LRRC4C: variants seen among roughly 807,000 people sequenced by gnomAD.
LRRC4C encodes leucine rich repeat containing 4C, also known as leucine-rich repeat-containing protein 4C.
Under a neutral mutation model 33.6 loss-of-function variants are expected in LRRC4C, and 5 were observed. That is an observed-to-expected ratio of 0.15 (90% CI 0.08 to 0.31). The LOEUF (loss-of-function observed/expected upper bound fraction) is 0.31. Among genes scored for constraint, LRRC4C ranks in the 10% least tolerant of loss-of-function variants. The pLI, the probability that LRRC4C is intolerant of heterozygous loss-of-function variation, is 1.00. For missense variants in LRRC4C, 560 were observed against 796.7 expected (o/e 0.70, Z 3.58); for synonymous variants, 329 against 302.0 (o/e 1.09, Z -0.93).
intron 2 of LRRC4C, among the ~76,000 whole-genome samples, chr11:40,878,301 A>T (rs1339862758): frequency 1.3e-5 from 2 of 152,074 alleles, no homozygotes; most frequent in Non-Finnish European, 2.9e-5. Context: ...ACCACTTGCC[A>T]CTCACTGATA....
At chr11:41,432,246 T>G (rs925326379) in intron 1 of LRRC4C, among the ~76,000 whole-genome samples, 1 of 152,184 alleles carries the variant, frequency 6.6e-6, no homozygotes, top group Non-Finnish European at 1.5e-5. Flanking sequence ...ATTTATCATA[T>G]TTGAAATGCC....
At chr11:41,345,729 T>C (rs1951782081) in intron 1 of LRRC4C, among the ~76,000 whole-genome samples, 1 of 152,084 alleles carries the variant, frequency 6.6e-6, no homozygotes, top group Admixed American at 6.5e-5. Context: ...CCCCTACAGA[T>C]TTCTCTCACC....
chr11:41,047,618 G>C (rs1249928699), intron 1 of LRRC4C, among the ~76,000 whole-genome samples: 1 of 152,118 alleles, frequency 6.6e-6, no homozygotes, highest in Non-Finnish European at 1.5e-5. Flanking sequence ...TACCTTAACT[G>C]TTTCAAGCAG....
At chr11:41,397,381 T>C (rs577657515) in intron 1 of LRRC4C, among the ~76,000 whole-genome samples, 2 of 152,124 alleles carry the variant, frequency 1.3e-5, no homozygotes, top group African/African-American at 4.8e-5. Context: ...AACACCTTTA[T>C]GATGATCCAC....
At chr11:40,147,953 T>C (rs1355109561) in intron 5 of LRRC4C, among the ~76,000 whole-genome samples, 31 of 152,126 alleles carry the variant, frequency 2.0e-4, no homozygotes, top group Admixed American at 2.0e-3. Flanking sequence ...GTCCATGTGT[T>C]CTCATCATTT....
intron 2 of LRRC4C, among the ~76,000 whole-genome samples, chr11:40,884,254 T>C (rs2136048893): frequency 6.6e-6 from 1 of 152,270 alleles, no homozygotes; most frequent in Non-Finnish European, 1.5e-5. Context: ...CATCCTTTTT[T>C]ATGGACGCAT....
intron 3 of LRRC4C, among the ~76,000 whole-genome samples, chr11:40,338,707 G>A (rs1400332679): frequency 6.6e-6 from 1 of 152,054 alleles, no homozygotes; most frequent in Non-Finnish European, 1.5e-5. Context: ...AATGACAGCA[G>A]GGAATTTGTT....
chr11:40,135,423 C>T (rs1236687439), intron 6 of LRRC4C, among the ~76,000 whole-genome samples: 1 of 152,124 alleles, frequency 6.6e-6, no homozygotes, highest in African/African-American at 2.4e-5. Context: ...CTTCAGTTAA[C>T]ACAGTCCCAT....
intron 2 of LRRC4C, among the ~76,000 whole-genome samples, chr11:40,769,493 T>C (rs1949648871): frequency 6.6e-6 from 1 of 152,072 alleles, no homozygotes; most frequent in Non-Finnish European, 1.5e-5. Context: ...TAAATGTATA[T>C]GGACCCACAA....
chr11:41,090,343 T>C (rs945646647), intron 1 of LRRC4C, among the ~76,000 whole-genome samples: 4 of 152,114 alleles, frequency 2.6e-5, no homozygotes, highest in African/African-American at 7.2e-5. Flanking sequence ...AATGTAAGAA[T>C]TATGTGTTCT....
chr11:40,882,976 T>C (rs1329847456), intron 2 of LRRC4C, among the ~76,000 whole-genome samples: 1 of 152,064 alleles, frequency 6.6e-6, no homozygotes, highest in East Asian at 1.9e-4. Context: ...ATTAGAGGTA[T>C]TTTCTTATTT....
chr11:40,823,193 C>T (rs939553139), intron 2 of LRRC4C, among the ~76,000 whole-genome samples: 1 of 151,840 alleles, frequency 6.6e-6, no homozygotes, highest in Non-Finnish European at 1.5e-5. Context: ...ATCAACCATA[C>T]ACCTAATTGT....
chr11:40,306,382 T>G (rs1945032194), intron 4 of LRRC4C, among the ~76,000 whole-genome samples: 1 of 152,184 alleles, frequency 6.6e-6, no homozygotes, highest in Non-Finnish European at 1.5e-5. Context: ...GCTGCTCACT[T>G]CATGGTAGTG....
At position 40,708,781 on chromosome 11, in the gene LRRC4C, T is replaced by C. The variant is rs1426504029; in HGVS notation, c.-406-60503A>G. On this transcript the variant is annotated intron_variant, in intron 2 of 6. Coordinates refer to ENST00000528697, the MANE Select transcript of LRRC4C (RefSeq NM_001258419.2). ...ATATCCTTTTCAACCTTCTGTCTTG[T>C]TGATCTGTCTAATATTGACAGTGGG... Among the ~76,000 whole-genome samples, 4 of 152,132 alleles carry C rather than the reference T, an allele frequency of 2.6e-5. No individual in the cohort carries two copies. In the East Asian group the frequency reaches 7.7e-4, roughly 29 times the overall value.
At chr11:40,806,816 A>C (rs1951271325) in intron 2 of LRRC4C, among the ~76,000 whole-genome samples, 1 of 152,166 alleles carries the variant, frequency 6.6e-6, no homozygotes. Context: ...ACATACCACT[A>C]TGCAGGCAGG....
At chr11:40,632,267 CT>C (rs1246745315) in intron 3 of LRRC4C, among the ~76,000 whole-genome samples, 1 of 152,146 alleles carries the variant, frequency 6.6e-6, no homozygotes, top group African/African-American at 2.4e-5. Flanking sequence ...TTTGTATCAT[CT>C]TTGGGACTGG....
intron 1 of LRRC4C, among the ~76,000 whole-genome samples, chr11:41,133,679 T>C (rs1428673715): frequency 6.6e-6 from 1 of 152,036 alleles, no homozygotes; most frequent in Non-Finnish European, 1.5e-5. Flanking sequence ...AACAGACTCT[T>C]TGTGACAATA....
intron 1 of LRRC4C, among the ~76,000 whole-genome samples, chr11:41,216,272 C>T (rs1947057542): frequency 6.6e-6 from 1 of 151,808 alleles, no homozygotes; most frequent in African/African-American, 2.4e-5. Flanking sequence ...GACACAGACA[C>T]AATAGAGCGG....
intron 5 of LRRC4C, among the ~76,000 whole-genome samples, chr11:40,170,246 C>T (rs1471324459): frequency 1.3e-5 from 2 of 152,194 alleles, no homozygotes; most frequent in African/African-American, 4.8e-5. Flanking sequence ...AATGACTCAT[C>T]ACCCACTCCC....
Sources: gnomAD v4.1 joint callset for allele counts (sites outside exome capture counted in the v4.1 genomes callset) on GRCh38, gnomAD v4.1.1 for gene constraint, MANE v1.5 for transcripts, NCBI Gene and HGNC (gene_info 2026-07-23, HGNC 2026-07-21) for gene names.